The following TYRP1 variants were observed in gnomAD, a reference collection of about 807,000 sequenced individuals.
The protein encoded by TYRP1 is 5,6-dihydroxyindole-2-carboxylic acid oxidase.
A neutral mutation model predicts 42.8 loss-of-function variants in TYRP1; 49 were observed. The ratio of observed to expected loss-of-function variants is 1.14; its 90% CI spans 0.91 to 1.45. TYRP1 has a LOEUF of 1.45. Ranked by LOEUF, TYRP1 falls within the 40% of genes most tolerant of loss-of-function variation. The probability of loss-of-function intolerance (pLI) is 0.00; values close to 1 mark genes in which losing one functional copy is unlikely to be tolerated. For missense variants in TYRP1, 848 were observed against 662.0 expected (o/e 1.28, Z -3.08); for synonymous variants, 279 against 235.4 (o/e 1.19, Z -1.69).
intron 5 of TYRP1, among the ~76,000 whole-genome samples, chr9:12,703,881 A>ATGTGTGTGTG (rs895369253): frequency 2.4e-4 from 10 of 41,660 alleles, no homozygotes; most frequent in Admixed American, 1.5e-3. Context: ...ATATATATAT[A>ATGTGTGTGTG]TATGTGTGTG....
At chr9:12,700,768 T>TATTG (rs1336675626) in intron 4 of TYRP1, 5 of 152,110 alleles carry the variant, frequency 3.3e-5, no homozygotes, top group Non-Finnish European at 7.4e-5. Flanking sequence ...TCTTGGGATT[T>TATTG]ATTGATAGCT....
At position 12,709,060 on chromosome 9, in the gene TYRP1, T is replaced by C. The variant is rs148777155; in HGVS notation, c.1492T>C (p.Ser498Pro). The C allele has an allele frequency of 7.3e-5, 118 of 1,612,864 alleles. No individual in the cohort carries two copies. Among genetic ancestry groups the C allele is most frequent in the Non-Finnish European group, 8.6e-5 (102 of 1,179,280 alleles). Residue 498 changes from serine (S) to proline (P), a missense_variant, in exon 8 of 8, where the codon TCT (serine) becomes CCT (proline). Transcript: ENST00000388918. ...LLVALIFGTA[S>P]YLIRARRSMD... ...GGTTGCACTCATTTTTGGGACTGCTTCTTATCTGATTCGTGCCAGACGCAG... is the reference window on the plus strand; with the variant it reads ...GGTTGCACTCATTTTTGGGACTGCTCCTTATCTGATTCGTGCCAGACGCAG...
intron 3 of TYRP1, 33 bp from the exon 4 acceptor site, chr9:12,698,412 ACAGAAG>A: frequency 6.4e-7 from 1 of 1,571,836 alleles, no homozygotes; most frequent in Non-Finnish European, 8.8e-7. Flanking sequence ...ATAATTGTAA[ACAGAAG>A]CAGAGAGTAT....
chr9:12,699,842 A>G (rs1818137646), intron 4 of TYRP1, among the ~76,000 whole-genome samples: 1 of 151,988 alleles, frequency 6.6e-6, no homozygotes, highest in African/African-American at 2.4e-5. Flanking sequence ...TTTCCCAATC[A>G]CCCTGATGAT....
At chr9:12,702,953 A>G (rs758760554) in intron 5 of TYRP1, among the ~76,000 whole-genome samples, 1 of 152,056 alleles carries the variant, frequency 6.6e-6, no homozygotes, top group Non-Finnish European at 1.5e-5. Flanking sequence ...ACTGATGCTT[A>G]ACTTGGTTTT....
chr9:12,707,807 A>T (rs769149802), intron 6 of TYRP1, 190 bp from the exon 7 acceptor site: 36 of 599,004 alleles, frequency 6.0e-5, no homozygotes, highest in Non-Finnish European at 9.8e-5. Context: ...TTGGTACTGT[A>T]TTCAAAGCAT....
chr9:12,694,775 T>C (rs1337322450), intron 2 of TYRP1, among the ~76,000 whole-genome samples: 4 of 152,194 alleles, frequency 2.6e-5, no homozygotes, highest in Non-Finnish European at 5.9e-5. Context: ...ACCTAGCCCT[T>C]ATATTTTAGT....
chr9:12,704,662 C>T lies in TYRP1; in HGVS notation c.1218C>T (p.Phe406=). The change falls in exon 6 of 8, where the codon TTC becomes TTT. Residue 406 remains phenylalanine (F), a synonymous_variant. Coordinates refer to ENST00000388918, the MANE Select transcript of TYRP1 (RefSeq NM_000550.3). ...CTATTTTTGTCCTCCTGCACACCTT[C>T]ACAGATGCAGTCTTTGATGAATGGC... The part of the protein sequence containing the change: ...NDPIFVLLHT[F]TDAVFDEWLR... 12 of 1,613,076 alleles carry T rather than the reference C, an allele frequency of 7.4e-6. No individual in the cohort carries two copies. The highest frequency in any genetic ancestry group is 1.0e-5 in the Non-Finnish European group (12 of 1,179,418).
intron 3 of TYRP1, among the ~76,000 whole-genome samples, chr9:12,697,678 A>G (rs1253382424): frequency 6.6e-6 from 1 of 152,164 alleles, no homozygotes; most frequent in Non-Finnish European, 1.5e-5. Context: ...AAGGAAATGT[A>G]TGTTTTAAAG....
intron 5 of TYRP1, 43 bp from the exon 6 acceptor site, chr9:12,704,483 A>T: frequency 1.3e-6 from 2 of 1,591,592 alleles, no homozygotes; most frequent in Non-Finnish European, 8.6e-7. Context: ...AAAGTGAAAT[A>T]TTTGCAATAG....
In TYRP1 at chr9:12,697,718, G is replaced by C. The variant is rs562907865; in HGVS notation, c.709-733G>C. 3.9e-5 allele frequency among the ~76,000 whole-genome samples: 6 copies of C among 152,198 alleles called. No individual in the cohort carries two copies. In the East Asian group the frequency reaches 1.2e-3, roughly 29 times the overall value. On this transcript the variant is annotated intron_variant, in intron 3 of 7. Transcript: ENST00000388918. The stretch of plus-strand genomic sequence containing the variant: ...GAATGAAATAAGCATGTGATCTTGA[G>C]GCCAGCATTTTTAAAAATGTGAGAT...
intron 3 of TYRP1, 27 bp downstream of exon 3, chr9:12,695,864 G>T (rs372136614): frequency 6.2e-6 from 10 of 1,607,980 alleles, no homozygotes; most frequent in South Asian, 1.1e-5. Flanking sequence ...TCAGTTTGCA[G>T]ACTCTTTACA....
chr9:12,709,461 A>C lies in TYRP1; in HGVS notation c.*279A>C, dbSNP rs962781786. 2.9e-6 allele frequency: 1 copy of C among 348,234 alleles called. No individual in the cohort carries two copies. The highest frequency in any genetic ancestry group is 5.6e-5 in the Admixed American group (1 of 17,852). 21.6% of individuals were successfully genotyped at this position (348,234 alleles called of 1,614,324 possible). On this transcript the variant is annotated 3_prime_UTR_variant, in exon 8 of 8. Transcript: ENST00000388918. The stretch of plus-strand genomic sequence containing the variant: ...GATCTTTGGCATGATTTAAAGGTTG[A>C]GTATGTGAAGATATAAGTAAGTGAA...
chr9:12,702,554 G>GTGAA (rs1294469933), intron 5 of TYRP1, 116 bp downstream of exon 5: 1 of 1,090,838 alleles, frequency 9.2e-7, no homozygotes, highest in African/African-American at 1.6e-5. Flanking sequence ...GTGTGTTTAT[G>GTGAA]TGAATGAGAT....
Position 12,709,365 on chromosome 9 carries a change from G to A in TYRP1, c.*183G>A. ...AGACCCTTTCAGAATCTTTTCAATG[G>A]GTTTTAATTTTCAGTTCTATTTAAA... On this transcript the variant is annotated 3_prime_UTR_variant, in exon 8 of 8. Transcript: ENST00000388918. 1.6e-6 allele frequency: 1 copy of A among 631,522 alleles called. No individual in the cohort carries two copies. The highest frequency in any genetic ancestry group is 2.8e-6 in the Non-Finnish European group (1 of 362,898). 39.1% of individuals were successfully genotyped at this position (631,522 alleles called of 1,614,324 possible). A position where few individuals can be genotyped will look rare whatever the true frequency, so the allele number is the denominator to read the frequency against.
rs1586848323 is a variant in TYRP1 at position 12,709,090 on chromosome 9, G to T, written c.1522G>T (p.Asp508Tyr). 1.2e-6 allele frequency: 2 copies of T among 1,612,806 alleles called. No homozygotes were observed. The highest frequency in any genetic ancestry group is 4.5e-5 in the East Asian group (2 of 44,826). ...TCTGATTCGTGCCAGACGCAGTATG[G>T]ATGAAGCTAACCAGCCTCTCCTCAC... is the stretch of plus-strand genomic sequence containing the variant. ...SYLIRARRSM[D>Y]EANQPLLTDQ... Residue 508 changes from aspartate (D) to tyrosine (Y), a missense_variant, in exon 8 of 8, where the codon GAT becomes TAT. Coordinates refer to ENST00000388918, the MANE Select transcript of TYRP1 (RefSeq NM_000550.3).
At chr9:12,704,921 C>A (rs1381048024) in intron 6 of TYRP1, among the ~76,000 whole-genome samples, 2 of 151,930 alleles carry the variant, frequency 1.3e-5, no homozygotes, top group African/African-American at 4.8e-5. Context: ...TATTTTTAAC[C>A]ATTTGCTGGG....
rs1374844291 is a variant in TYRP1 at position 12,698,628 on chromosome 9, T to C, written c.886T>C (p.Tyr296His). The change falls in exon 4 of 8, where the codon TAT (tyrosine) becomes CAT (histidine). Residue 296 changes from tyrosine to histidine, a missense_variant. Tyr to His is a moderately conservative substitution (Grantham distance 83). Coordinates refer to ENST00000388918, the MANE Select transcript of TYRP1 (RefSeq NM_000550.3). Reference protein sequence around the residue: ...WRVVCDSLEDYDTLGTLCNST... With the variant: ...WRVVCDSLEDHDTLGTLCNST... ...AGTGGTCTGTGACTCCTTGGAAGAT[T>C]ATGATACCCTGGGAACACTTTGTAA... is the stretch of plus-strand genomic sequence containing the variant. The C allele has an allele frequency of 1.9e-6, 3 of 1,613,762 alleles. No individual in the cohort carries two copies. The highest frequency in any genetic ancestry group is 2.2e-5 in the South Asian group (2 of 91,078).
Position 12,702,428 on chromosome 9 carries a change from C to T in TYRP1, c.1071C>T (p.Asn357=). The T allele has an allele frequency of 2.5e-6, 4 of 1,612,730 alleles. No homozygotes were observed. The highest frequency in any genetic ancestry group is 2.5e-6 in the Non-Finnish European group (3 of 1,179,206). Residue 357 remains asparagine, a synonymous_variant, in exon 5 of 8, where the codon AAC becomes AAT. Transcript: ENST00000388918. ...CCAACTCTACAAACAGTTTCCGAAA[C>T]ACAGTGGAAGGCAAGTAAATGAAAT... ...FYSNSTNSFR[N]TVEGYSDPTG... is the part of the protein sequence containing the mutation.
Sources: allele counts gnomAD v4.1 joint callset (sites outside exome capture counted in the v4.1 genomes callset), GRCh38; gene constraint gnomAD v4.1.1; transcripts MANE v1.5; gene names NCBI Gene and HGNC (gene_info 2026-07-23, HGNC 2026-07-21).